PRRC2C: variants seen among roughly 807,000 people sequenced by gnomAD.
The protein encoded by PRRC2C is proline rich coiled-coil 2C.
Under a neutral mutation model 317.2 loss-of-function variants are expected in PRRC2C, and 72 were observed. That is an observed-to-expected ratio of 0.23 (90% CI 0.19 to 0.28). The LOEUF is 0.28. Ranked by LOEUF, PRRC2C falls within the 10% of genes least tolerant of loss-of-function variation. The probability of loss-of-function intolerance (pLI) is 1.00; values close to 1 mark genes in which losing one functional copy is unlikely to be tolerated. For missense variants in PRRC2C, 3,074 were observed against 3,459.7 expected (o/e 0.89, Z 2.80); for synonymous variants, 1,296 against 1,205.9 (o/e 1.07, Z -1.55).
At chr1:171,568,776 T>A (rs1449997671) in intron 23 of PRRC2C, among the ~76,000 whole-genome samples, 1 of 152,124 alleles carries the variant, frequency 6.6e-6, no homozygotes, top group African/African-American at 2.4e-5. Context: ...TCCCAAAGAA[T>A]CAAGTATGTC....
intron 26 of PRRC2C, among the ~76,000 whole-genome samples, chr1:171,578,819 G>A (rs542697907): frequency 1.3e-5 from 2 of 151,438 alleles, no homozygotes; most frequent in Admixed American, 6.6e-5. Flanking sequence ...GGGATCAATC[G>A]TGCCACTGCA....
chr1:171,551,942 C>A (rs184063867), intron 18 of PRRC2C, among the ~76,000 whole-genome samples: 1 of 152,080 alleles, frequency 6.6e-6, no homozygotes, highest in Non-Finnish European at 1.5e-5. Flanking sequence ...CTTGGCAATG[C>A]GGGCTCTTTT....
At chr1:171,556,512 A>G (rs910135745) in intron 18 of PRRC2C, among the ~76,000 whole-genome samples, 4 of 152,074 alleles carry the variant, frequency 2.6e-5, no homozygotes, top group Admixed American at 2.0e-4. Flanking sequence ...CGTCAATCAC[A>G]CTGGGAGCTG....
chr1:171,551,886 C>CA (rs1304534008), intron 18 of PRRC2C, among the ~76,000 whole-genome samples: 1 of 152,174 alleles, frequency 6.6e-6, no homozygotes, highest in Admixed American at 6.5e-5. Context: ...AGTTTGAAGT[C>CA]AGGTAGCATG....
At position 171,514,827 on chromosome 1, in the gene PRRC2C, C is replaced by T. The variant is rs1033179078; in HGVS notation, c.400+182C>T. 2.0e-5 allele frequency among the ~76,000 whole-genome samples: 3 copies of T among 152,262 alleles called. 1 individual carries two copies. The highest frequency in any genetic ancestry group is 6.8e-3 in the Middle Eastern group (2 of 294). ...CTAGCTAAGTTCCAATGTCAAGAGC[C>T]ATGTATGAGTCAATGATATTGGTTA... On this transcript the variant is annotated intron_variant, in intron 4 of 34. Transcript: ENST00000647382.
chr1:171,557,720 C>G lies in PRRC2C; in HGVS notation c.5608C>G (p.Leu1870Val). The G allele has an allele frequency of 6.4e-7, 1 of 1,551,558 alleles. No homozygotes were observed. Among genetic ancestry groups the G allele is most frequent in the Non-Finnish European group, 8.7e-7 (1 of 1,146,972 alleles). The change falls in exon 19 of 35, where the codon CTA becomes GTA. Residue 1870 changes from leucine to valine, a missense_variant. By Grantham distance (32) the Leu-to-Val change is conservative. This residue lies in a region of PRRC2C where 640 missense variants were observed against 676.1 expected (regional missense o/e 0.95). Transcript: ENST00000647382. ...SASIPILASA[L>V]ASTSAPTPAP... ...CTCAATTCCCATTCTTGCTTCAGCCCTAGCATCAACTTCAGCTCCAACGCC... is the reference window on the plus strand; with the variant it reads ...CTCAATTCCCATTCTTGCTTCAGCCGTAGCATCAACTTCAGCTCCAACGCC...
chr1:171,525,237 GATA>G (rs1187928806), intron 10 of PRRC2C, among the ~76,000 whole-genome samples: 4 of 152,038 alleles, frequency 2.6e-5, no homozygotes, highest in African/African-American at 9.7e-5. Context: ...AAAGTGTAGG[GATA>G]ATATTTTTCT....
intron 1 of PRRC2C, among the ~76,000 whole-genome samples, chr1:171,509,342 A>G (rs778859022): frequency 8.5e-5 from 13 of 152,224 alleles, no homozygotes; most frequent in Non-Finnish European, 1.5e-4. Flanking sequence ...GTGGGGATAT[A>G]TTCCTCAGGA....
At chr1:171,536,861 C>T (rs1468521441) in intron 14 of PRRC2C, among the ~76,000 whole-genome samples, 1 of 152,102 alleles carries the variant, frequency 6.6e-6, no homozygotes, top group Non-Finnish European at 1.5e-5. Flanking sequence ...TATTGACCAA[C>T]TAAGGTAGGT....
chr1:171,554,523 G>C (rs1326391112), intron 18 of PRRC2C, among the ~76,000 whole-genome samples: 1 of 152,146 alleles, frequency 6.6e-6, no homozygotes, highest in East Asian at 1.9e-4. Flanking sequence ...ATGTTAGCTG[G>C]TTGTTTTGCC....
In PRRC2C at chr1:171,579,471, T is replaced by C. The variant is rs200489270; in HGVS notation, c.7272+5T>C. On this transcript the variant is annotated splice_donor_5th_base_variant and intron_variant, in intron 27 of 34. Transcript: ENST00000647382. ...TTCCAACCAGGTCTCTCTCAGGTAA[T>C]ATCAAAGACTTCTTCCATCCTGTAT... The C allele has an allele frequency of 4.5e-5, 72 of 1,612,760 alleles. No individual in the cohort carries two copies. The highest frequency in any genetic ancestry group is 5.7e-5 in the Non-Finnish European group (67 of 1,179,800).
At chr1:171,552,892 A>G (rs1680575653) in intron 18 of PRRC2C, among the ~76,000 whole-genome samples, 2 of 152,150 alleles carry the variant, frequency 1.3e-5, no homozygotes, top group South Asian at 4.1e-4. Context: ...TTTTTGCATC[A>G]ATGTTCATCA....
At chr1:171,487,236 C>G (rs1666300714) in intron 1 of PRRC2C, among the ~76,000 whole-genome samples, 1 of 152,042 alleles carries the variant, frequency 6.6e-6, no homozygotes. Flanking sequence ...CCCCATTTTA[C>G]AGATGAGGAA....
intron 12 of PRRC2C, 73 bp downstream of exon 12, chr1:171,533,034 T>C (rs1233699168): frequency 2.2e-6 from 3 of 1,372,470 alleles, no homozygotes; most frequent in Middle Eastern, 2.6e-4. Context: ...TTGGGGTTTG[T>C]ATATTTTAAA....
rs1411774876 is a variant in PRRC2C at position 171,588,363 on chromosome 1, A to G, written c.8073-16A>G. Reference sequence around the variant, plus strand: ...CTTGGTATTACTATACTGACTAGTAATGGCTTCTTTCCAAGGGCTACTTCT... The same window carrying G: ...CTTGGTATTACTATACTGACTAGTAGTGGCTTCTTTCCAAGGGCTACTTCT... On this transcript the variant is annotated splice_polypyrimidine_tract_variant and intron_variant, in intron 32 of 34. Transcript: ENST00000647382. 2 of 1,612,990 alleles carry G rather than the reference A, an allele frequency of 1.2e-6. No homozygotes were observed. The highest frequency in any genetic ancestry group is 1.1e-5 in the South Asian group (1 of 90,968).
chr1:171,578,873 C>G (rs560945668), intron 26 of PRRC2C, among the ~76,000 whole-genome samples: 13 of 151,110 alleles, frequency 8.6e-5, no homozygotes, highest in African/African-American at 3.2e-4. Flanking sequence ...AAACAAAAAA[C>G]AAAAACAAAA....
At chr1:171,511,381 T>C (rs960412259) in intron 1 of PRRC2C, 6 of 152,292 alleles carry the variant, frequency 3.9e-5, no homozygotes, top group African/African-American at 1.4e-4. Context: ...TGAATGCTTA[T>C]GAAAATGTTA....
intron 6 of PRRC2C, among the ~76,000 whole-genome samples, chr1:171,519,115 G>A (rs183800937): frequency 2.2e-4 from 33 of 152,062 alleles, no homozygotes; most frequent in Admixed American, 1.7e-3. Context: ...AACTCCTAAC[G>A]TCAAGTGATC....
chr1:171,515,892 A>T, intron 5 of PRRC2C, 33 bp downstream of exon 5: 1 of 1,549,728 alleles, frequency 6.5e-7, no homozygotes, highest in Non-Finnish European at 8.7e-7. Context: ...ACAAAATGAG[A>T]TCATATTTGT....
Sources: gnomAD v4.1 joint callset for allele counts (sites outside exome capture counted in the v4.1 genomes callset) on GRCh38, gnomAD v4.1.1 for gene constraint, gnomAD v4.1.1 regional missense constraint, MANE v1.5 for transcripts, NCBI Gene and HGNC (gene_info 2026-07-23, HGNC 2026-07-21) for gene names.